Variants in ABCC4 observed in about 807,000 individuals in gnomAD.
ABCC4 encodes ATP-binding cassette sub-family C member 4.
Under a neutral mutation model 168.5 loss-of-function variants are expected in ABCC4, and 102 were observed. That is an observed-to-expected ratio of 0.61 (90% CI 0.52 to 0.71). ABCC4 has a LOEUF of 0.71. ABCC4 is among the 30% of genes least tolerant of loss of function. The pLI is 0.00. For missense variants in ABCC4, 1,402 were observed against 1,605.8 expected (o/e 0.87, Z 2.17); for synonymous variants, 617 against 590.7 (o/e 1.04, Z -0.65).
At chr13:95,043,874 TA>T (rs4148539) in intron 28 of ABCC4, 87 bp from the exon 29 acceptor site, 2,937 of 755,594 alleles carry the variant, frequency 3.9e-3, no homozygotes, top group South Asian at 6.9e-3. Flanking sequence ...AATAGAGATT[TA>T]AAAAAAAAAG....
At chr13:95,105,872 C>A (rs2034985567) in intron 20 of ABCC4, among the ~76,000 whole-genome samples, 1 of 152,132 alleles carries the variant, frequency 6.6e-6, no homozygotes, top group South Asian at 2.1e-4. Context: ...TTTCAGGTGA[C>A]CGCAAAGAGC....
intron 1 of ABCC4, among the ~76,000 whole-genome samples, chr13:95,284,098 A>C (rs2041198406): frequency 6.6e-6 from 1 of 152,158 alleles, no homozygotes; most frequent in South Asian, 2.1e-4. Context: ...AATCCCAGCT[A>C]CTGGGGAGGC....
chr13:95,205,444 C>T (rs2038752325), intron 8 of ABCC4, among the ~76,000 whole-genome samples: 1 of 152,196 alleles, frequency 6.6e-6, no homozygotes, highest in East Asian at 1.9e-4. Context: ...AGGAATAAAA[C>T]AAAGCAGATT....
chr13:95,129,077 T>A (rs1409842727), intron 19 of ABCC4, among the ~76,000 whole-genome samples: 3 of 152,204 alleles, frequency 2.0e-5, no homozygotes, highest in Non-Finnish European at 4.4e-5. Flanking sequence ...TAGATTTGAA[T>A]CTGAATGAGA....
At chr13:95,121,364 T>A (rs1020492373) in intron 19 of ABCC4, among the ~76,000 whole-genome samples, 1 of 152,114 alleles carries the variant, frequency 6.6e-6, no homozygotes, top group East Asian at 1.9e-4. Context: ...TGTAGGATTA[T>A]AGAGCTTAAA....
chr13:95,215,023 A>G (rs2138690985), intron 4 of ABCC4, among the ~76,000 whole-genome samples: 1 of 152,320 alleles, frequency 6.6e-6, no homozygotes, highest in Middle Eastern at 3.4e-3. Context: ...TGAACTGTAA[A>G]AAACAGCGTA....
At chr13:95,290,171 A>C (rs1049533692) in intron 1 of ABCC4, among the ~76,000 whole-genome samples, 1 of 150,604 alleles carries the variant, frequency 6.6e-6, no homozygotes, top group Non-Finnish European at 1.5e-5. Context: ...AGATGCGTGG[A>C]TCCCACCCCC....
At position 95,225,391 on chromosome 13, in the gene ABCC4, C is replaced by T. The variant is rs1275339092; in HGVS notation, c.531+9219G>A. Among the ~76,000 whole-genome samples the T allele has an allele frequency of 2.0e-5, 3 of 152,180 alleles. No homozygotes were observed. In the East Asian group the frequency reaches 5.8e-4, roughly 29 times the overall value. On this transcript the variant is annotated intron_variant, in intron 4 of 30. Transcript: ENST00000645237. ...GAAAATTTAAAATACGATTTATGGC[C>T]GGGCACAGTGGCTCACTCCTGTAAT...
rs61165942 is a variant in ABCC4 at position 95,109,391 on chromosome 13, A to AACACACACACAC, written c.2535+6519_2535+6530dup. Among the ~76,000 whole-genome samples, 466 of 150,432 alleles carry AACACACACACAC rather than the reference A, an allele frequency of 3.1e-3. 1 individual carries two copies. The highest frequency in any genetic ancestry group is 4.9e-3 in the South Asian group (23 of 4,706). ...TTTGAGGGTGAGCCACAGGTGTGCA[A>AACACACACACAC]ACACACACACACACACACACACACA... On this transcript the variant is annotated intron_variant, in intron 20 of 30. Transcript: ENST00000645237.
intron 29 of ABCC4, among the ~76,000 whole-genome samples, chr13:95,042,220 A>G (rs2032391682): frequency 6.6e-6 from 1 of 152,216 alleles, no homozygotes; most frequent in Non-Finnish European, 1.5e-5. Flanking sequence ...TCATCCAGAT[A>G]GTCAGGTCCC....
At position 95,210,688 on chromosome 13, in the gene ABCC4, T is replaced by G. The variant is rs1806175573; in HGVS notation, c.621+4A>C. Reference sequence around the variant, plus strand: ...TGAAAAAGGATCCCTGAGCTGCAGCTTACCTGATCAAACTTGTTCACATCA... The same window carrying G: ...TGAAAAAGGATCCCTGAGCTGCAGCGTACCTGATCAAACTTGTTCACATCA... On this transcript the variant is annotated splice_donor_region_variant and intron_variant, in intron 5 of 30. Transcript: ENST00000645237. The G allele has an allele frequency of 6.2e-7, 1 of 1,613,152 alleles. No individual in the cohort carries two copies. Among genetic ancestry groups the G allele is most frequent in the African/African-American group, 1.3e-5 (1 of 74,908 alleles).
At chr13:95,063,887 A>G (rs1397399798) in intron 25 of ABCC4, among the ~76,000 whole-genome samples, 4 of 152,220 alleles carry the variant, frequency 2.6e-5, no homozygotes, top group Non-Finnish European at 4.4e-5. Flanking sequence ...CTTCCCAAGA[A>G]ATGACATCCT....
chr13:95,080,548 A>G (rs1340868109), intron 21 of ABCC4, among the ~76,000 whole-genome samples: 2 of 152,068 alleles, frequency 1.3e-5, no homozygotes, highest in Non-Finnish European at 2.9e-5. Context: ...ATCTCAGCTC[A>G]CTGCAACCTC....
At chr13:95,148,906 G>C (rs1594183514) in intron 19 of ABCC4, 3 of 152,170 alleles carry the variant, frequency 2.0e-5, no homozygotes, top group African/African-American at 7.2e-5. Flanking sequence ...CTGAAGGCTA[G>C]GTCAATTGAG....
intron 25 of ABCC4, among the ~76,000 whole-genome samples, chr13:95,067,641 C>T (rs1211548324): frequency 6.6e-6 from 1 of 152,048 alleles, no homozygotes; most frequent in Admixed American, 6.6e-5. Flanking sequence ...CTGAGATGAG[C>T]AAGCAGGCAG....
chr13:95,121,635 T>G (rs1411833775), intron 19 of ABCC4, among the ~76,000 whole-genome samples: 1 of 152,006 alleles, frequency 6.6e-6, no homozygotes, highest in Non-Finnish European at 1.5e-5. Flanking sequence ...CTCAAACTCT[T>G]GAGGCTCAAG....
At chr13:95,129,404 T>C (rs2035885761) in intron 19 of ABCC4, among the ~76,000 whole-genome samples, 1 of 152,184 alleles carries the variant, frequency 6.6e-6, no homozygotes, top group Non-Finnish European at 1.5e-5. Flanking sequence ...AAGTTATCCA[T>C]TTGTTGGTCT....
At chr13:95,152,997 A>G (rs942183542) in intron 19 of ABCC4, among the ~76,000 whole-genome samples, 2 of 152,162 alleles carry the variant, frequency 1.3e-5, no homozygotes, top group Non-Finnish European at 2.9e-5. Context: ...ACTATGCTTT[A>G]TACATATTAG....
intron 3 of ABCC4, among the ~76,000 whole-genome samples, chr13:95,242,711 C>G (rs1013370254): frequency 2.0e-5 from 3 of 152,100 alleles, no homozygotes; most frequent in African/African-American, 7.2e-5. Flanking sequence ...GATTGAAAAC[C>G]CAAAACAACA....
Sources: gnomAD v4.1 joint callset for allele counts (sites outside exome capture counted in the v4.1 genomes callset) on GRCh38, gnomAD v4.1.1 for gene constraint, MANE v1.5 for transcripts, NCBI Gene and HGNC (gene_info 2026-07-23, HGNC 2026-07-21) for gene names.